The following SLC24A3 variants were observed in gnomAD, a reference collection of about 807,000 sequenced individuals.
SLC24A3 encodes solute carrier family 24 member 3.
Under a neutral mutation model 75.8 loss-of-function variants are expected in SLC24A3, and 28 were observed. The ratio of observed to expected loss-of-function variants is 0.37; its 90% CI spans 0.27 to 0.51. SLC24A3 has a LOEUF of 0.51. Ranked by LOEUF, SLC24A3 falls within the 20% of genes least tolerant of loss-of-function variation. SLC24A3 has a pLI of 0.94. For missense variants in SLC24A3, 663 were observed against 847.8 expected, an observed-to-expected ratio of 0.78 and a Z score of 2.71; for synonymous variants, 372 against 334.1, an observed-to-expected ratio of 1.11 and a Z score of -1.24.
chr20:19,561,365 C>T (rs2030872376), intron 3 of SLC24A3, among the ~76,000 whole-genome samples: 1 of 151,992 alleles, frequency 6.6e-6, no homozygotes, highest in African/African-American at 2.4e-5. Context: ...CCCTGATGAC[C>T]GCTGGGGAAT....
intron 1 of SLC24A3, 155 bp downstream of exon 1, chr20:19,213,139 C>T: frequency 1.2e-6 from 1 of 822,250 alleles, no homozygotes; most frequent in Non-Finnish European, 1.6e-6. Context: ...CACGAGGACT[C>T]CCCCTGCCCC....
At chr20:19,581,067 T>A (rs1468553757) in intron 4 of SLC24A3, among the ~76,000 whole-genome samples, 1 of 152,230 alleles carries the variant, frequency 6.6e-6, no homozygotes, top group Non-Finnish European at 1.5e-5. Flanking sequence ...AAGTTAGTGT[T>A]GGATACTTAA....
At chr20:19,428,707 C>T (rs753266968) in intron 2 of SLC24A3, among the ~76,000 whole-genome samples, 9 of 152,112 alleles carry the variant, frequency 5.9e-5, no homozygotes, top group Non-Finnish European at 8.8e-5. Context: ...GAGTTCTTAC[C>T]CACTCCAGAT....
chr20:19,495,042 G>T (rs1312050262), intron 2 of SLC24A3, among the ~76,000 whole-genome samples: 1 of 152,198 alleles, frequency 6.6e-6, no homozygotes, highest in Non-Finnish European at 1.5e-5. Context: ...CATGGAGTGT[G>T]AATGGCACCA....
rs772750052 is a variant in SLC24A3 at position 19,585,541 on chromosome 20, G to C, written c.609G>C (p.Gly203=). 6.2e-7 allele frequency: 1 copy of C among 1,613,972 alleles called. No homozygotes were observed. The highest frequency in any genetic ancestry group is 2.2e-5 in the East Asian group (1 of 44,866). Residue 203 remains glycine, a synonymous_variant, in exon 6 of 17, where the codon GGG becomes GGC. Coordinates refer to ENST00000328041, the MANE Select transcript of SLC24A3 (RefSeq NM_020689.4). ...TTGGTGTCTGTGGGCTCTTTGCTGGGCAGGTAAGACTGGCGGCTTCTTTGT... is the reference window on the plus strand; with the variant it reads ...TTGGTGTCTGTGGGCTCTTTGCTGGCCAGGTAAGACTGGCGGCTTCTTTGT... ...CIIGVCGLFA[G]QVVALSSWCL...
At chr20:19,467,301 A>C (rs551080125) in intron 2 of SLC24A3, among the ~76,000 whole-genome samples, 1 of 152,226 alleles carries the variant, frequency 6.6e-6, no homozygotes, top group Non-Finnish European at 1.5e-5. Context: ...AGAATCGCAG[A>C]AAGAAAAGAA....
chr20:19,340,032 C>T lies in SLC24A3; in HGVS notation c.271+58945C>T, dbSNP rs566519862. Among the ~76,000 whole-genome samples, 116 of 152,128 alleles carry T rather than the reference C, an allele frequency of 7.6e-4. 1 individual carries two copies. The highest frequency in any genetic ancestry group is 1.5e-3 in the Non-Finnish European group (100 of 68,028). On this transcript the variant is annotated intron_variant, in intron 2 of 16. Transcript: ENST00000328041. ...GCATGTGGGGGATCCAAGGGGTGGG[C>T]TCAGGTGTTCAGGTTTGGGATGGTG...
intron 2 of SLC24A3, among the ~76,000 whole-genome samples, chr20:19,371,955 A>C (rs1985999241): frequency 6.6e-6 from 1 of 152,152 alleles, no homozygotes; most frequent in Non-Finnish European, 1.5e-5. Context: ...TGTCTCAGGC[A>C]GCAGTGAGGC....
In SLC24A3 at chr20:19,684,288, T is replaced by A. The variant is rs758556253; in HGVS notation, c.1014T>A (p.Phe338Leu). 1.2e-6 allele frequency: 2 copies of A among 1,613,696 alleles called. No homozygotes were observed. The highest frequency in any genetic ancestry group is 1.7e-6 in the Non-Finnish European group (2 of 1,179,962). ...TTCGAATCATGATAACCAGCCACTT[T>A]CCCCCCAAGACCCGGCTCTCCATGG... is the stretch of plus-strand genomic sequence containing the variant. ...AGLRIMITSHFPPKTRLSMAS... is the reference protein window; with the variant it reads ...AGLRIMITSHLPPKTRLSMAS... Residue 338 changes from phenylalanine to leucine, a missense_variant, in exon 11 of 17, where the codon TTT (phenylalanine) becomes TTA (leucine). Physicochemically the swap from Phe to Leu is conservative, Grantham distance 22. Coordinates refer to ENST00000328041, the MANE Select transcript of SLC24A3 (RefSeq NM_020689.4).
chr20:19,621,737 T>C (rs1357042274), intron 6 of SLC24A3, among the ~76,000 whole-genome samples: 2 of 152,204 alleles, frequency 1.3e-5, no homozygotes, highest in Non-Finnish European at 2.9e-5. Flanking sequence ...CTGCTGCTGC[T>C]GTACCCAGAA....
At chr20:19,666,006 A>C in intron 8 of SLC24A3, 117 bp downstream of exon 8, 1 of 1,184,318 alleles carries the variant, frequency 8.4e-7, no homozygotes, top group South Asian at 1.5e-5. Flanking sequence ...GCTTAGAATG[A>C]GGAGAATTTC....
intron 2 of SLC24A3, among the ~76,000 whole-genome samples, chr20:19,500,580 T>A (rs570420092): frequency 6.6e-6 from 1 of 152,378 alleles, no homozygotes; most frequent in East Asian, 1.9e-4. Flanking sequence ...GAATTTATTT[T>A]AATAAATTTT....
At chr20:19,261,747 C>G (rs962226641) in intron 1 of SLC24A3, 1 of 152,168 alleles carries the variant, frequency 6.6e-6, no homozygotes, top group Non-Finnish European at 1.5e-5. Context: ...TTTATGCATT[C>G]GTAAGGCCAC....
chr20:19,678,413 C>T (rs2032556809), intron 9 of SLC24A3, among the ~76,000 whole-genome samples: 3 of 127,624 alleles, frequency 2.4e-5, no homozygotes, highest in Admixed American at 7.3e-5. Context: ...TAGGGACGGC[C>T]AGGCAGAGGC....
rs2031276307 is a variant in SLC24A3 at position 19,585,054 on chromosome 20, A to G, written c.507A>G (p.Ile169Met). 1 of 1,612,048 alleles carries G rather than the reference A, an allele frequency of 6.2e-7. No individual in the cohort carries two copies. The highest frequency in any genetic ancestry group is 1.3e-5 in the African/African-American group (1 of 74,882). The change falls in exon 5 of 17, where the codon ATA (isoleucine) becomes ATG (methionine). Residue 169 changes from isoleucine to methionine, a missense_variant and splice_region_variant. By Grantham distance (10) the Ile-to-Met change is conservative. Coordinates refer to ENST00000328041, the MANE Select transcript of SLC24A3 (RefSeq NM_020689.4). ...SSAPELFTSV[I>M]GVFITKGDVG... ...CCCCAGAGCTGTTCACATCGGTCAT[A>G]GGTAGGTGACAGACTGAGGGACATC...
At chr20:19,436,337 G>A (rs1352290431) in intron 2 of SLC24A3, among the ~76,000 whole-genome samples, 1 of 152,168 alleles carries the variant, frequency 6.6e-6, no homozygotes, top group Non-Finnish European at 1.5e-5. Context: ...CATGATCTTG[G>A]CCTTATTTAG....
At chr20:19,487,971 C>G (rs888112956) in intron 2 of SLC24A3, among the ~76,000 whole-genome samples, 1 of 152,178 alleles carries the variant, frequency 6.6e-6, no homozygotes, top group African/African-American at 2.4e-5. Context: ...TTTTCTTCTT[C>G]AATTTGTGGC....
At chr20:19,602,715 G>A (rs2031542736) in intron 6 of SLC24A3, among the ~76,000 whole-genome samples, 1 of 152,184 alleles carries the variant, frequency 6.6e-6, no homozygotes, top group Non-Finnish European at 1.5e-5. Context: ...AACATCTAAA[G>A]GAGTCTCTCA....
intron 2 of SLC24A3, among the ~76,000 whole-genome samples, chr20:19,331,519 G>T (rs1037091391): frequency 6.6e-6 from 1 of 152,220 alleles, no homozygotes; most frequent in Admixed American, 6.5e-5. Context: ...TAACAAAAAT[G>T]AGTACAATAT....
Sources: allele counts gnomAD v4.1 joint callset (sites outside exome capture counted in the v4.1 genomes callset), GRCh38; gene constraint gnomAD v4.1.1; transcripts MANE v1.5; gene names NCBI Gene and HGNC (gene_info 2026-07-23, HGNC 2026-07-21).